PEAK1: variants seen among roughly 807,000 people sequenced by gnomAD.
The protein encoded by PEAK1 is pseudopodium enriched atypical kinase 1.
PEAK1 carries 54 observed loss-of-function variants against 124.7 expected under a neutral mutation model. The observed-to-expected ratio is 0.43, with a 90% CI of 0.35 to 0.54. The LOEUF (loss-of-function observed/expected upper bound fraction) is 0.54, where lower values mean the gene tolerates loss of function less well. Ranked by LOEUF, PEAK1 falls within the 20% of genes least tolerant of loss-of-function variation. The pLI, the probability that PEAK1 is intolerant of heterozygous loss-of-function variation, is 0.01. For synonymous variants in PEAK1, 719 were observed against 760.0 expected (o/e 0.95, Z 0.89); for missense variants, 2,046 against 2,134.5 (o/e 0.96, Z 0.82).
intron 5 of PEAK1, among the ~76,000 whole-genome samples, chr15:77,281,874 C>T: frequency 6.6e-6 from 1 of 152,096 alleles, no homozygotes; most frequent in East Asian, 1.9e-4. Flanking sequence ...CAAATGCAGG[C>T]CAACAGATTC....
intron 2 of PEAK1, among the ~76,000 whole-genome samples, chr15:77,309,314 T>A (rs958334295): frequency 1.3e-5 from 2 of 152,118 alleles, no homozygotes; most frequent in Non-Finnish European, 2.9e-5. Context: ...CCACCATTGC[T>A]TTTGACTCTC....
At chr15:77,333,811 A>T in intron 2 of PEAK1, 2 of 805,374 alleles carry the variant, frequency 2.5e-6, no homozygotes, top group Non-Finnish European at 3.0e-6. Context: ...GCAGATTTAT[A>T]AAAATCTTCT....
At chr15:77,143,573 C>T (rs566998322) in intron 8 of PEAK1, among the ~76,000 whole-genome samples, 22 of 152,296 alleles carry the variant, frequency 1.4e-4, no homozygotes, top group African/African-American at 4.3e-4. Context: ...AAACTACTTG[C>T]GGTTTCTCCA....
At chr15:77,405,351 G>T (rs961145937) in intron 1 of PEAK1, among the ~76,000 whole-genome samples, 1 of 152,094 alleles carries the variant, frequency 6.6e-6, no homozygotes, top group Non-Finnish European at 1.5e-5. Context: ...AAAAGGCTGA[G>T]GAGAAGGGCG....
At chr15:77,357,778 C>T (rs1240370084) in intron 2 of PEAK1, among the ~76,000 whole-genome samples, 1 of 152,160 alleles carries the variant, frequency 6.6e-6, no homozygotes, top group African/African-American at 2.4e-5. Context: ...TCATTTTATA[C>T]TATCTAAATT....
intron 7 of PEAK1, among the ~76,000 whole-genome samples, chr15:77,170,563 C>T (rs952909016): frequency 3.9e-5 from 6 of 152,152 alleles, no homozygotes; most frequent in African/African-American, 1.4e-4. Flanking sequence ...GGTGGCTGTT[C>T]TCAGAATAGA....
downstream of PEAK1, chr15:77,108,033 C>G (rs949944728): frequency 5.9e-5 from 9 of 152,276 alleles, no homozygotes; most frequent in African/African-American, 2.2e-4. Context: ...AGGCTGAAAG[C>G]CATCATTTCC....
chr15:77,200,939 A>G (rs1415526802), intron 6 of PEAK1, among the ~76,000 whole-genome samples: 1 of 151,976 alleles, frequency 6.6e-6, no homozygotes, highest in East Asian at 1.9e-4. Flanking sequence ...ATAGACTCAT[A>G]CTTTACCATA....
chr15:77,163,538 G>A (rs549758179), intron 7 of PEAK1, among the ~76,000 whole-genome samples: 5 of 152,070 alleles, frequency 3.3e-5, no homozygotes, highest in African/African-American at 1.2e-4. Context: ...TGTTTCTCTG[G>A]GATATTCGTT....
chr15:77,261,498 G>A (rs933840351), intron 5 of PEAK1, among the ~76,000 whole-genome samples: 5 of 152,056 alleles, frequency 3.3e-5, no homozygotes, highest in East Asian at 1.9e-4. Flanking sequence ...CAGCCGATTC[G>A]ATCAACTGGA....
At chr15:77,194,461 C>T (rs751592976) in intron 6 of PEAK1, among the ~76,000 whole-genome samples, 3 of 152,130 alleles carry the variant, frequency 2.0e-5, no homozygotes, top group Non-Finnish European at 4.4e-5. Flanking sequence ...CCATTATCTC[C>T]TCCATGTCCA....
At chr15:77,350,072 A>G (rs1471222319) in intron 2 of PEAK1, 1 of 985,316 alleles carries the variant, frequency 1.0e-6, no homozygotes, top group African/African-American at 1.7e-5. Flanking sequence ...TTTTCAGATC[A>G]TTTGTGCAAA....
chr15:77,268,698 C>T lies in PEAK1; in HGVS notation c.-275+15185G>A, dbSNP rs2061869298. On this transcript the variant is annotated intron_variant, in intron 5 of 9. Transcript: ENST00000682557. ...AAATTCATCGCAAAAACATCACCAC[C>T]TAGGCACATAGTCATCAGGTTATCT... Among the ~76,000 whole-genome samples, 5 of 152,186 alleles carry T rather than the reference C, an allele frequency of 3.3e-5. No individual in the cohort carries two copies. The South Asian group carries it at 1.0e-3, about 32-fold the overall frequency.
At chr15:77,342,140 A>T (rs2066575393) in intron 2 of PEAK1, among the ~76,000 whole-genome samples, 1 of 135,174 alleles carries the variant, frequency 7.4e-6, no homozygotes, top group South Asian at 2.3e-4. Context: ...GACTGGCTTC[A>T]TTTCTTTCAT....
intron 8 of PEAK1, among the ~76,000 whole-genome samples, chr15:77,144,467 G>C (rs2054027939): frequency 6.6e-6 from 1 of 152,200 alleles, no homozygotes; most frequent in South Asian, 2.1e-4. Flanking sequence ...CTTTTATAAA[G>C]TGTGTGTTTT....
chr15:77,306,808 A>T (rs183314335), intron 2 of PEAK1, among the ~76,000 whole-genome samples: 1 of 152,274 alleles, frequency 6.6e-6, no homozygotes, highest in East Asian at 1.9e-4. Context: ...ATGTATGAAT[A>T]AATCTGAGCT....
intron 6 of PEAK1, among the ~76,000 whole-genome samples, chr15:77,232,681 TACTTGTGGC>T (rs1250803208): frequency 1.3e-5 from 2 of 152,236 alleles, no homozygotes; most frequent in Non-Finnish European, 2.9e-5. Context: ...ATAACCTTTC[TACTTGTGGC>T]CAGGATCTCA....
rs749000554 is a variant in PEAK1, at chr15:77,298,197, A to ATTTTTTTTTTTTTTTTTTTTTTTT, written c.-602-11717_-602-11694dup. On this transcript the variant is annotated intron_variant, in intron 2 of 9. Transcript: ENST00000682557. ...TAGCTTCTTTTGTTTGGTATCCTTA[A>ATTTTTTTTTTTTTTTTTTTTTTTT]TTTTTTTTTTTTTTTTTTTTTTTTT... is the stretch of plus-strand genomic sequence containing the variant. Among the ~76,000 whole-genome samples, 6 of 37,822 alleles carry ATTTTTTTTTTTTTTTTTTTTTTTT rather than the reference A, an allele frequency of 1.6e-4. 2 individuals carry two copies. Among genetic ancestry groups the ATTTTTTTTTTTTTTTTTTTTTTTT allele is most frequent in the African/African-American group, 5.4e-4 (4 of 7,414 alleles). The allele number at this position is 37,822 out of a possible 152,430, so 24.8% of individuals were successfully genotyped here.
At chr15:77,340,829 T>C (rs2066484451) in intron 2 of PEAK1, among the ~76,000 whole-genome samples, 1 of 151,584 alleles carries the variant, frequency 6.6e-6, no homozygotes, top group African/African-American at 2.4e-5. Context: ...ACTTCAGGAG[T>C]CTCCAGACCA....
Sources: gnomAD v4.1 joint callset for allele counts (sites outside exome capture counted in the v4.1 genomes callset) on GRCh38, gnomAD v4.1.1 for gene constraint, MANE v1.5 for transcripts, NCBI Gene and HGNC (gene_info 2026-07-23, HGNC 2026-07-21) for gene names.